The following TNRC6B variants were observed in gnomAD, a reference collection of about 807,000 sequenced individuals.
The protein encoded by TNRC6B is trinucleotide repeat containing adaptor 6B.
Under a neutral mutation model 203.6 loss-of-function variants are expected in TNRC6B, and 52 were observed. That is an observed-to-expected ratio of 0.26 (90% CI 0.20 to 0.32). The LOEUF is 0.32. Ranked by LOEUF, TNRC6B falls within the 10% of genes least tolerant of loss-of-function variation. The pLI is 1.00. For missense variants in TNRC6B, 1,923 were observed against 2,286.2 expected (o/e 0.84, Z 3.24); for synonymous variants, 838 against 845.7 (o/e 0.99, Z 0.16).
chr22:40,066,153 T>G (rs1246582221), intron 1 of TNRC6B, among the ~76,000 whole-genome samples: 1 of 152,122 alleles, frequency 6.6e-6, no homozygotes, highest in Non-Finnish European at 1.5e-5. Flanking sequence ...CTCCCTGTTC[T>G]GTGACTGGGA....
intron 3 of TNRC6B, among the ~76,000 whole-genome samples, chr22:40,252,814 T>C (rs929359747): frequency 2.6e-5 from 4 of 152,198 alleles, no homozygotes; most frequent in Non-Finnish European, 1.5e-5. Flanking sequence ...TGCCCATACT[T>C]TCTAAACCAA....
chr22:40,059,483 C>T (rs2067829418), intron 1 of TNRC6B, among the ~76,000 whole-genome samples: 1 of 152,130 alleles, frequency 6.6e-6, no homozygotes, highest in Admixed American at 6.5e-5. Context: ...CTTCGAGTAC[C>T]ATGCTGAACA....
chr22:40,162,522 G>A (rs2068879919), intron 4 of TNRC6B, among the ~76,000 whole-genome samples: 1 of 152,160 alleles, frequency 6.6e-6, no homozygotes, highest in Non-Finnish European at 1.5e-5. Flanking sequence ...ACAGGGCAAA[G>A]TAAAAATATT....
At chr22:40,099,105 C>T (rs1380141141) in intron 1 of TNRC6B, among the ~76,000 whole-genome samples, 1 of 151,908 alleles carries the variant, frequency 6.6e-6, no homozygotes, top group African/African-American at 2.4e-5. Flanking sequence ...CAAAAATTAG[C>T]CGGGCACCGT....
intron 1 of TNRC6B, among the ~76,000 whole-genome samples, chr22:40,179,220 C>T (rs779396841): frequency 2.0e-5 from 3 of 152,124 alleles, no homozygotes; most frequent in Non-Finnish European, 4.4e-5. Flanking sequence ...GGAAAGAAAG[C>T]TGAAAACTTG....
Position 40,298,174 on chromosome 22 carries a change from A to C in TNRC6B, c.3709-2281A>C, listed in dbSNP as rs575209654. 8.1e-4 allele frequency among the ~76,000 whole-genome samples: 123 copies of C among 152,210 alleles called. 2 individuals carry two copies. In the South Asian group the frequency reaches 0.018, roughly 23 times the overall value. The stretch of plus-strand genomic sequence containing the variant: ...TAAATTTAAAAAATCATTAAAAAAA[A>C]CCCAGCTACATGGGTTAAATATTAC... On this transcript the variant is annotated intron_variant, in intron 12 of 22. Transcript: ENST00000454349.
intron 1 of TNRC6B, among the ~76,000 whole-genome samples, chr22:40,088,947 T>G (rs1334891933): frequency 1.3e-5 from 2 of 152,150 alleles, no homozygotes; most frequent in African/African-American, 4.8e-5. Context: ...CTTTACATTC[T>G]TAGTGGGTAT....
chr22:40,125,954 T>A (rs1044955650), intron 3 of TNRC6B: 51 of 1,283,546 alleles, frequency 4.0e-5, no homozygotes, highest in Non-Finnish European at 5.2e-5. Context: ...TACATGACTG[T>A]AAAAATTCGA....
intron 1 of TNRC6B, among the ~76,000 whole-genome samples, chr22:40,214,315 A>G (rs984602776): frequency 2.6e-5 from 4 of 152,008 alleles, no homozygotes; most frequent in South Asian, 2.1e-4. Flanking sequence ...GATCCTTGTG[A>G]TGGAACCGTT....
chr22:40,240,163 C>T (rs1269928226), intron 1 of TNRC6B, among the ~76,000 whole-genome samples: 3 of 152,142 alleles, frequency 2.0e-5, no homozygotes, highest in African/African-American at 7.2e-5. Context: ...AGGTACAAGT[C>T]ACTTCTACTT....
intron 1 of TNRC6B, among the ~76,000 whole-genome samples, chr22:40,055,810 G>T (rs987388114): frequency 6.6e-6 from 1 of 152,132 alleles, no homozygotes; most frequent in African/African-American, 2.4e-5. Context: ...ATCTCAAATG[G>T]ATCAGACACT....
chr22:40,056,797 C>CAA (rs35657644), intron 1 of TNRC6B, among the ~76,000 whole-genome samples: 1,567 of 91,842 alleles, frequency 0.017, 38 homozygotes, highest in African/African-American at 0.039. Flanking sequence ...CACCCTGTCT[C>CAA]AAAAAAAAAA....
At chr22:40,180,950 TTACTC>T (rs2069122145) in intron 1 of TNRC6B, among the ~76,000 whole-genome samples, 1 of 152,078 alleles carries the variant, frequency 6.6e-6, no homozygotes, top group Non-Finnish European at 1.5e-5. Context: ...TATCACAACA[TTACTC>T]TGTCTCAGAA....
At chr22:40,280,565 T>A (rs1381128868) in intron 10 of TNRC6B, among the ~76,000 whole-genome samples, 1 of 152,250 alleles carries the variant, frequency 6.6e-6, no homozygotes, top group Non-Finnish European at 1.5e-5. Flanking sequence ...CTGTGTTTAG[T>A]TACAATGGTA....
In TNRC6B at chr22:40,092,199, T is replaced by C. The variant is rs146337058; in HGVS notation, c.-120-24856T>C. Among the ~76,000 whole-genome samples, 518 of 152,182 alleles carry C rather than the reference T, an allele frequency of 3.4e-3. 2 individuals are homozygous for C. Among genetic ancestry groups the C allele is most frequent in the African/African-American group, 0.011 (477 of 41,510 alleles). ...AGCTGGATCACTTGAGGTCAGGGGTTCGAGACCAGCCTAGCCAACATGGAG... is the reference window on the plus strand; with the variant it reads ...AGCTGGATCACTTGAGGTCAGGGGTCCGAGACCAGCCTAGCCAACATGGAG... On this transcript the variant is annotated intron_variant, in intron 1 of 23. Coordinates refer to the TNRC6B transcript ENST00000301923.
chr22:40,319,500 A>G (rs1035040623), intron 21 of TNRC6B, among the ~76,000 whole-genome samples: 1 of 142,204 alleles, frequency 7.0e-6, no homozygotes, highest in Admixed American at 7.7e-5. Flanking sequence ...ATCTCCGCTC[A>G]CTGCAAGCTC....
rs1056937264 is a variant in TNRC6B, at chr22:40,270,427, C to G, written c.2965+147C>G. 8 of 812,256 alleles carry G rather than the reference C, an allele frequency of 9.8e-6. No individual in the cohort carries two copies. In the African/African-American group the frequency reaches 1.4e-4, roughly 15 times the overall value. The allele number at this position is 812,256 out of a possible 1,614,324, so 50.3% of individuals were successfully genotyped here. A position where few individuals can be genotyped will look rare whatever the true frequency, so the allele number is the denominator to read the frequency against. On this transcript the variant is annotated intron_variant, in intron 6 of 22. Coordinates refer to ENST00000454349, the MANE Select transcript of TNRC6B (RefSeq NM_001162501.2). ...CTCTGCTTTCCAGCTTCAAGCGATTCTCCTGCCTCAGCCTCCCGAGTAGCT... is the reference window on the plus strand; with the variant it reads ...CTCTGCTTTCCAGCTTCAAGCGATTGTCCTGCCTCAGCCTCCCGAGTAGCT...
chr22:40,059,954 C>T (rs2146270458), intron 1 of TNRC6B, among the ~76,000 whole-genome samples: 1 of 151,180 alleles, frequency 6.6e-6, no homozygotes, highest in East Asian at 2.0e-4. Context: ...TCCTGAGTAG[C>T]TGGTACTACA....
intron 2 of TNRC6B, among the ~76,000 whole-genome samples, chr22:40,248,960 G>T (rs953479620): frequency 2.0e-5 from 3 of 152,148 alleles, no homozygotes; most frequent in African/African-American, 7.2e-5. Flanking sequence ...TTATCTTCGT[G>T]GTTTCCAACC....
Sources: allele counts gnomAD v4.1 joint callset (sites outside exome capture counted in the v4.1 genomes callset), GRCh38; gene constraint gnomAD v4.1.1; transcripts MANE v1.5; gene names NCBI Gene and HGNC (gene_info 2026-07-23, HGNC 2026-07-21).